The following FHIT variants were observed in gnomAD, a reference collection of about 807,000 sequenced individuals.
FHIT encodes fragile histidine triad diadenosine triphosphatase.
Under a neutral mutation model 17.9 loss-of-function variants are expected in FHIT, and 19 were observed. That is an observed-to-expected ratio of 1.06 (90% CI 0.74 to 1.56). FHIT has a LOEUF of 1.56. FHIT is among the 40% of genes most tolerant of loss of function. The probability of loss-of-function intolerance (pLI) is 0.00; values close to 1 mark genes in which losing one functional copy is unlikely to be tolerated. For synonymous variants in FHIT, 81 were observed against 69.7 expected, an observed-to-expected ratio of 1.16 and a Z score of -0.81; for missense variants, 248 against 189.2, an observed-to-expected ratio of 1.31 and a Z score of -1.82.
chr3:60,191,109 A>T (rs918057943), intron 5 of FHIT, among the ~76,000 whole-genome samples: 4 of 152,158 alleles, frequency 2.6e-5, no homozygotes, highest in African/African-American at 9.7e-5. Flanking sequence ...TTAAAAAAAT[A>T]AAATAAAATA....
chr3:60,497,945 A>T (rs2107516500), intron 5 of FHIT, among the ~76,000 whole-genome samples: 1 of 152,342 alleles, frequency 6.6e-6, no homozygotes, highest in South Asian at 2.1e-4. Flanking sequence ...GAGGATGGCA[A>T]ACTTTTTCTG....
intron 5 of FHIT, among the ~76,000 whole-genome samples, chr3:60,515,865 T>A (rs2035134727): frequency 6.6e-6 from 1 of 152,216 alleles, no homozygotes; most frequent in Non-Finnish European, 1.5e-5. Flanking sequence ...CTTGCTCTTG[T>A]AAGACAACTG....
At chr3:60,147,325 A>G (rs1003833622) in intron 5 of FHIT, among the ~76,000 whole-genome samples, 2 of 152,152 alleles carry the variant, frequency 1.3e-5, no homozygotes, top group African/African-American at 4.8e-5. Context: ...TTAGAATAAG[A>G]ACTCTTAATT....
In FHIT at chr3:61,146,111, G is replaced by A. The variant is rs75838925; in HGVS notation, c.-164+54506C>T. Among the ~76,000 whole-genome samples the A allele has an allele frequency of 5.5e-3, 843 of 152,064 alleles. 5 individuals carry two copies. The highest frequency in any genetic ancestry group is 8.7e-3 in the Non-Finnish European group (589 of 67,892). On this transcript the variant is annotated intron_variant, in intron 2 of 9. Transcript: ENST00000492590. ...CTCTCCACAGGAAAGGAGAAAGCAC[G>A]ACATAAAACAAATTACTTCTTTCTT...
At chr3:59,792,931 C>T (rs1699629724) in intron 8 of FHIT, among the ~76,000 whole-genome samples, 1 of 151,146 alleles carries the variant, frequency 6.6e-6, no homozygotes, top group African/African-American at 2.4e-5. Context: ...ATGTGCTCCT[C>T]TCTGAAGCTC....
chr3:60,495,563 C>T (rs1576759028), intron 5 of FHIT, among the ~76,000 whole-genome samples: 1 of 151,842 alleles, frequency 6.6e-6, no homozygotes, highest in African/African-American at 2.4e-5. Flanking sequence ...CTTGATTCTA[C>T]ATATGCATTA....
chr3:60,449,242 G>A (rs1015171901), intron 5 of FHIT, among the ~76,000 whole-genome samples: 1 of 152,174 alleles, frequency 6.6e-6, no homozygotes, highest in African/African-American at 2.4e-5. Flanking sequence ...AAGAGAACCA[G>A]TGCCCCGGTC....
At chr3:60,216,203 A>T (rs933799382) in intron 5 of FHIT, among the ~76,000 whole-genome samples, 1 of 152,202 alleles carries the variant, frequency 6.6e-6, no homozygotes, top group African/African-American at 2.4e-5. Context: ...GTTTTAATAC[A>T]TTTCAAAAAC....
At chr3:60,634,698 T>A (rs924152443) in intron 4 of FHIT, among the ~76,000 whole-genome samples, 1 of 152,144 alleles carries the variant, frequency 6.6e-6, no homozygotes, top group South Asian at 2.1e-4. Flanking sequence ...TTGTGATAAA[T>A]GAGAAAGAGG....
chr3:60,908,955 A>G (rs187968151), intron 3 of FHIT, among the ~76,000 whole-genome samples: 1 of 152,140 alleles, frequency 6.6e-6, no homozygotes, highest in Non-Finnish European at 1.5e-5. Context: ...TGTTCCAAAT[A>G]TTCTCATTTT....
chr3:60,604,880 T>C (rs1179145169), intron 4 of FHIT, among the ~76,000 whole-genome samples: 1 of 152,142 alleles, frequency 6.6e-6, no homozygotes, highest in Admixed American at 6.6e-5. Context: ...ATCATCCCCA[T>C]TTCACAGATT....
intron 5 of FHIT, among the ~76,000 whole-genome samples, chr3:60,518,596 G>A (rs1364152118): frequency 6.6e-6 from 1 of 152,140 alleles, no homozygotes; most frequent in African/African-American, 2.4e-5. Context: ...AAATTTAGCA[G>A]AAACATTACC....
In FHIT at chr3:60,170,130, G is replaced by A. The variant is rs994832747; in HGVS notation, c.104-155978C>T. On this transcript the variant is annotated intron_variant, in intron 5 of 9. Transcript: ENST00000492590. ...TCCATTCCCTGACTTCATCTTTCCT[G>A]TGCGAGTTGGTCCAAGGACTTTTGT... is the stretch of plus-strand genomic sequence containing the variant. Among the ~76,000 whole-genome samples the A allele has an allele frequency of 3.9e-5, 6 of 152,096 alleles. No homozygotes were observed. In the East Asian group the frequency reaches 1.2e-3, roughly 29 times the overall value.
intron 4 of FHIT, chr3:60,732,378 T>A: frequency 1.2e-6 from 1 of 807,032 alleles, no homozygotes; most frequent in South Asian, 1.3e-5. Context: ...CAGGATGAAG[T>A]TCTCCTCATC....
intron 1 of FHIT, among the ~76,000 whole-genome samples, chr3:61,225,110 C>T (rs144038395): frequency 6.6e-6 from 1 of 152,196 alleles, no homozygotes; most frequent in Non-Finnish European, 1.5e-5. Context: ...CTACACAACA[C>T]AGTGGCATAT....
At chr3:59,801,479 C>CTTCT (rs1294201403) in intron 8 of FHIT, among the ~76,000 whole-genome samples, 1 of 152,082 alleles carries the variant, frequency 6.6e-6, no homozygotes, top group Non-Finnish European at 1.5e-5. Context: ...TTGTTATTTC[C>CTTCT]TTCTTTGTAC....
At chr3:60,046,450 C>G (rs551310994) in intron 5 of FHIT, among the ~76,000 whole-genome samples, 1 of 152,168 alleles carries the variant, frequency 6.6e-6, no homozygotes, top group Admixed American at 6.5e-5. Flanking sequence ...GAAGAGGGCT[C>G]GGCCAGCTGA....
intron 5 of FHIT, among the ~76,000 whole-genome samples, chr3:60,231,296 C>T (rs541891749): frequency 1.3e-5 from 2 of 152,282 alleles, no homozygotes; most frequent in East Asian, 1.9e-4. Flanking sequence ...ATCTATCATC[C>T]AGTACTTCAG....
At chr3:60,943,330 G>T (rs1346953818) in intron 3 of FHIT, among the ~76,000 whole-genome samples, 2 of 152,024 alleles carry the variant, frequency 1.3e-5, no homozygotes, top group African/African-American at 2.4e-5. Flanking sequence ...TCTTCCTGGT[G>T]AATTGTTCTT....
Sources: gnomAD v4.1 joint callset for allele counts (sites outside exome capture counted in the v4.1 genomes callset) on GRCh38, gnomAD v4.1.1 for gene constraint, MANE v1.5 for transcripts, NCBI Gene and HGNC (gene_info 2026-07-23, HGNC 2026-07-21) for gene names.